PIAS1: variants seen among roughly 807,000 people sequenced by gnomAD.
PIAS1 encodes the protein protein inhibitor of activated STAT 1.
Under a neutral mutation model 71.3 loss-of-function variants are expected in PIAS1, and 6 were observed. That is an observed-to-expected ratio of 0.08 (90% CI 0.05 to 0.17). The LOEUF (loss-of-function observed/expected upper bound fraction) is 0.17. Ranked by LOEUF, PIAS1 falls within the 10% of genes least tolerant of loss-of-function variation. The pLI, the probability that PIAS1 is intolerant of heterozygous loss-of-function variation, is 1.00. For missense variants in PIAS1, 555 were observed against 793.6 expected, an observed-to-expected ratio of 0.70 and a Z score of 3.61; for synonymous variants, 303 against 292.9, an observed-to-expected ratio of 1.03 and a Z score of -0.35.
chr15:68,055,139 T>C, intron 1 of PIAS1: 1 of 930,196 alleles, frequency 1.1e-6, no homozygotes, highest in African/African-American at 1.8e-5. Flanking sequence ...CAGCTACCTC[T>C]CTCCCTTCTT....
intron 6 of PIAS1, among the ~76,000 whole-genome samples, chr15:68,152,903 T>C (rs1391414942): frequency 1.3e-5 from 2 of 149,588 alleles, no homozygotes; most frequent in Admixed American, 6.6e-5. Context: ...GCTTTTCTTT[T>C]TTTTTTTTTT....
chr15:68,180,626 C>T (rs2093048397), intron 11 of PIAS1, among the ~76,000 whole-genome samples: 1 of 145,562 alleles, frequency 6.9e-6, no homozygotes, highest in Non-Finnish European at 1.5e-5. Flanking sequence ...ACATTAGATT[C>T]AGCAGGGCTT....
intron 12 of PIAS1, 164 bp downstream of exon 12, chr15:68,181,518 C>T: frequency 3.3e-6 from 2 of 609,820 alleles, no homozygotes; most frequent in East Asian, 2.9e-5. Context: ...AAATACTGAC[C>T]CAGTTCGTTG....
At chr15:68,059,162 G>A (rs763908663) in intron 1 of PIAS1, among the ~76,000 whole-genome samples, 11 of 151,648 alleles carry the variant, frequency 7.3e-5, no homozygotes, top group African/African-American at 1.2e-4. Context: ...CCGCCACTAC[G>A]CCCCGCTAAT....
rs1010437460 is a variant in PIAS1 at position 68,189,744 on chromosome 15, T to C, written c.*1909T>C. The C allele has an allele frequency of 3.9e-5, 6 of 152,270 alleles. No individual in the cohort carries two copies. The highest frequency in any genetic ancestry group is 4.1e-4 in the South Asian group (2 of 4,828). 9.4% of individuals were successfully genotyped at this position (152,270 alleles called of 1,614,324 possible). A position where few individuals can be genotyped will look rare whatever the true frequency, so the allele number is the denominator to read the frequency against. Reference sequence around the variant, plus strand: ...ATTCCACACACAAATGGCTGAGTTATAGTCATAAAACAATTTGCAATAAAA... The same window carrying C: ...ATTCCACACACAAATGGCTGAGTTACAGTCATAAAACAATTTGCAATAAAA... On this transcript the variant is annotated 3_prime_UTR_variant, in exon 14 of 14. Transcript: ENST00000249636.
intron 4 of PIAS1, among the ~76,000 whole-genome samples, chr15:68,145,540 A>G (rs1243668852): frequency 1.3e-5 from 2 of 152,178 alleles, no homozygotes; most frequent in Admixed American, 6.5e-5. Context: ...CACTGAAGAA[A>G]CTAGTGCTTC....
intron 1 of PIAS1, among the ~76,000 whole-genome samples, chr15:68,076,936 GA>G (rs2092172313): frequency 6.6e-6 from 1 of 152,298 alleles, no homozygotes; most frequent in Admixed American, 6.5e-5. Flanking sequence ...TTGTACAATA[GA>G]GGGGTGTAGG....
At chr15:68,183,707 TAA>T in intron 13 of PIAS1, 40 bp downstream of exon 13, 1 of 778,802 alleles carries the variant, frequency 1.3e-6, no homozygotes, top group African/African-American at 1.7e-5. Context: ...AATTGTACAT[TAA>T]AAATACAGTC....
chr15:68,124,375 T>G (rs1404277191), intron 2 of PIAS1, among the ~76,000 whole-genome samples: 1 of 151,574 alleles, frequency 6.6e-6, no homozygotes, highest in Non-Finnish European at 1.5e-5. Context: ...CACTATTTCT[T>G]GGGTTGTGGT....
At chr15:68,110,784 C>A (rs1309290793) in intron 2 of PIAS1, among the ~76,000 whole-genome samples, 1 of 151,908 alleles carries the variant, frequency 6.6e-6, no homozygotes. Context: ...TATGTAGTTG[C>A]AGTTTAAAAT....
At position 68,087,757 on chromosome 15, in the gene PIAS1, T is replaced by C. The variant is rs1391521890; in HGVS notation, c.469+1007T>C. 9.3e-6 allele frequency: 3 copies of C among 323,026 alleles called. No individual in the cohort carries two copies. In the Admixed American group the frequency reaches 1.1e-4, roughly 12 times the overall value. The allele number at this position is 323,026 out of a possible 1,614,324, so 20.0% of individuals were successfully genotyped here. A position where few individuals can be genotyped will look rare whatever the true frequency, so the allele number is the denominator to read the frequency against. Reference sequence around the variant, plus strand: ...GGACTGGCAAGTGTTGAGAACATTTTTTGCGAATTTTTGAGAACATTTTGA... The same window carrying C: ...GGACTGGCAAGTGTTGAGAACATTTCTTGCGAATTTTTGAGAACATTTTGA... On this transcript the variant is annotated intron_variant, in intron 2 of 13. Transcript: ENST00000249636.
chr15:68,093,280 A>G (rs1332489979), intron 2 of PIAS1, among the ~76,000 whole-genome samples: 2 of 152,224 alleles, frequency 1.3e-5, no homozygotes, highest in East Asian at 3.8e-4. Context: ...GTAATATTTA[A>G]TTCAGTTTTG....
intron 1 of PIAS1, among the ~76,000 whole-genome samples, chr15:68,078,431 G>C (rs906322442): frequency 6.6e-6 from 1 of 151,936 alleles, no homozygotes; most frequent in Non-Finnish European, 1.5e-5. Flanking sequence ...TGGTTACTTC[G>C]GTAACTTCCT....
rs905781097 is a variant in PIAS1 at position 68,176,751 on chromosome 15, A to T, written c.1481+97A>T. The T allele has an allele frequency of 1.0e-5, 9 of 867,500 alleles. No individual in the cohort carries two copies. The East Asian group carries it at 1.9e-4, about 18-fold the overall frequency. The allele number at this position is 867,500 out of a possible 1,614,324, so 53.7% of individuals were successfully genotyped here. On this transcript the variant is annotated intron_variant, in intron 11 of 13. Coordinates refer to ENST00000249636, the MANE Select transcript of PIAS1 (RefSeq NM_016166.3). ...CCAAATAAAATGATTCTTGATTGTG[A>T]AACTTAACTTAGCAATCAAAGAATA...
chr15:68,107,763 GCTTATA>G (rs1433194729), intron 2 of PIAS1, among the ~76,000 whole-genome samples: 1 of 151,540 alleles, frequency 6.6e-6, no homozygotes, highest in African/African-American at 2.4e-5. Context: ...AAATACTTAT[GCTTATA>G]CTTAGCTAGA....
At chr15:68,118,002 C>T (rs2092579740) in intron 2 of PIAS1, among the ~76,000 whole-genome samples, 1 of 152,174 alleles carries the variant, frequency 6.6e-6, no homozygotes, top group African/African-American at 2.4e-5. Context: ...TTCTCCTTAT[C>T]CTTACCAACA....
At chr15:68,110,367 G>A (rs1334142538) in intron 2 of PIAS1, among the ~76,000 whole-genome samples, 1 of 152,078 alleles carries the variant, frequency 6.6e-6, no homozygotes, top group Admixed American at 6.5e-5. Context: ...GGCCGAGGTG[G>A]GTGGATCACC....
chr15:68,187,442 T>C lies in PIAS1; in HGVS notation c.1663-100T>C. 1 of 1,083,980 alleles carries C rather than the reference T, an allele frequency of 9.2e-7. No individual in the cohort carries two copies. The allele number at this position is 1,083,980 out of a possible 1,614,324, so 67.1% of individuals were successfully genotyped here. ...TAAATATTTCAGAAACCCTAGATACTCAGGCTATCTTAAATTTAGGGCTGT... is the reference window on the plus strand; with the variant it reads ...TAAATATTTCAGAAACCCTAGATACCCAGGCTATCTTAAATTTAGGGCTGT... On this transcript the variant is annotated intron_variant, in intron 13 of 13. Transcript: ENST00000249636. This position sits in a 1 kb window ranked among gnomAD's most constrained non-coding sequence, Gnocchi z 5.3.
chr15:68,174,440 CT>C lies in PIAS1; in HGVS notation c.1169+549del, dbSNP rs572946164. ...TCCTACCAGACATCTTGGAATGTTC[CT>C]CTAAATTTTCTTCTATTCTGCAGCC... On this transcript the variant is annotated intron_variant, in intron 9 of 13. Transcript: ENST00000249636. The surrounding 1 kb of genome is among the most constrained non-coding windows in gnomAD (Gnocchi z 4.0). 1.5e-3 allele frequency among the ~76,000 whole-genome samples: 226 copies of C among 152,278 alleles called. 4 individuals are homozygous for C. The highest frequency in any genetic ancestry group is 5.2e-3 in the African/African-American group (215 of 41,554).
Sources: gnomAD v4.1 joint callset for allele counts (sites outside exome capture counted in the v4.1 genomes callset) on GRCh38, gnomAD v4.1.1 for gene constraint, Gnocchi (gnomAD v3.1) non-coding constraint, MANE v1.5 for transcripts, NCBI Gene and HGNC (gene_info 2026-07-23, HGNC 2026-07-21) for gene names.